The following TWSG1 variants were observed in gnomAD, a reference collection of about 807,000 sequenced individuals.
TWSG1 encodes the protein twisted gastrulation BMP signaling modulator 1.
In TWSG1, 15 loss-of-function variants were observed where a neutral mutation model predicts 23.0. The ratio of observed to expected loss-of-function variants is 0.65; its 90% CI spans 0.44 to 1.00. The LOEUF (loss-of-function observed/expected upper bound fraction) is 1.00, where lower values mean the gene tolerates loss of function less well. Among genes scored for constraint, TWSG1 ranks in the 50% least tolerant of loss-of-function variants. The probability of loss-of-function intolerance (pLI) is 0.00; values close to 1 mark genes in which losing one functional copy is unlikely to be tolerated. For missense variants in TWSG1, 242 were observed against 278.7 expected (o/e 0.87, Z 0.94); for synonymous variants, 86 against 92.8 (o/e 0.93, Z 0.42).
intron 3 of TWSG1, among the ~76,000 whole-genome samples, chr18:9,381,733 G>A (rs1191416854): frequency 1.3e-5 from 2 of 151,976 alleles, no homozygotes; most frequent in Non-Finnish European, 2.9e-5. Flanking sequence ...ACCCCTAGTC[G>A]CTCTCCCTCA....
intron 2 of TWSG1, among the ~76,000 whole-genome samples, chr18:9,350,880 C>G (rs1166457845): frequency 6.6e-6 from 1 of 152,050 alleles, no homozygotes; most frequent in African/African-American, 2.4e-5. Flanking sequence ...ATAACCCAAT[C>G]TAATTATAAT....
intron 3 of TWSG1, among the ~76,000 whole-genome samples, chr18:9,362,140 G>A (rs972348272): frequency 6.6e-6 from 1 of 152,128 alleles, no homozygotes; most frequent in African/African-American, 2.4e-5. Flanking sequence ...GTCATTAACT[G>A]TATATTAATT....
chr18:9,352,250 G>A lies in TWSG1; in HGVS notation c.124-7722G>A, dbSNP rs75504187. 3.9e-3 allele frequency among the ~76,000 whole-genome samples: 592 copies of A among 152,220 alleles called. 39 individuals are homozygous for A. The South Asian group carries it at 0.11, about 28-fold the overall frequency. ...CTTTGAGATTCATCCATATTATTGT[G>A]TGTGTTGGGTAGTTCTTTCCTTTTT... On this transcript the variant is annotated intron_variant, in intron 2 of 4. Transcript: ENST00000262120.
chr18:9,356,971 TAAAAA>T (rs34315660), intron 2 of TWSG1, among the ~76,000 whole-genome samples: 2 of 122,342 alleles, frequency 1.6e-5, no homozygotes, highest in Admixed American at 8.4e-5. Context: ...TTTATAAATC[TAAAAA>T]AAAAAAAAAA....
chr18:9,396,708 C>G, intron 4 of TWSG1, 162 bp downstream of exon 4: 1 of 851,300 alleles, frequency 1.2e-6, no homozygotes. Context: ...CCCATCATAT[C>G]TAGAGGCACA....
intron 2 of TWSG1, among the ~76,000 whole-genome samples, chr18:9,343,614 A>G (rs1484022899): frequency 6.6e-6 from 1 of 152,066 alleles, no homozygotes; most frequent in Non-Finnish European, 1.5e-5. Flanking sequence ...TAGGCAGTTT[A>G]CTTTCTCTCT....
intron 3 of TWSG1, among the ~76,000 whole-genome samples, chr18:9,375,767 T>G (rs2040627159): frequency 6.6e-6 from 1 of 152,122 alleles, no homozygotes; most frequent in South Asian, 2.1e-4. Context: ...TAGGTATAAA[T>G]CTAACAAAAT....
chr18:9,390,742 T>C (rs759192608), intron 3 of TWSG1, among the ~76,000 whole-genome samples: 34 of 152,234 alleles, frequency 2.2e-4, no homozygotes, highest in Non-Finnish European at 4.7e-4. Context: ...CCAGGTGCAG[T>C]GGTTCATGTC....
At chr18:9,340,143 C>T (rs1456420704) in intron 2 of TWSG1, among the ~76,000 whole-genome samples, 3 of 151,840 alleles carry the variant, frequency 2.0e-5, no homozygotes, top group South Asian at 2.1e-4. Flanking sequence ...CCGAGGCGGG[C>T]GGATCACAAG....
chr18:9,377,196 G>T (rs191071479), intron 3 of TWSG1, among the ~76,000 whole-genome samples: 84 of 151,996 alleles, frequency 5.5e-4, no homozygotes, highest in African/African-American at 1.9e-3. Context: ...GTGGAGCAAA[G>T]ATAGTCTGTT....
At position 9,339,066 on chromosome 18, in the gene TWSG1, A is replaced by G. The variant is rs190902103; in HGVS notation, c.123+1714A>G. On this transcript the variant is annotated intron_variant, in intron 2 of 4. Transcript: ENST00000262120. ...ATAGTTTTTTTAAAATTAGCTGGGC[A>G]TGATCATGTACACCTGTAGTCTCAG... 5.9e-4 allele frequency among the ~76,000 whole-genome samples: 90 copies of G among 152,102 alleles called. 1 individual carries two copies. Among genetic ancestry groups the G allele is most frequent in the African/African-American group, 2.0e-3 (83 of 41,484 alleles).
At chr18:9,357,974 A>G (rs960308693) in intron 2 of TWSG1, among the ~76,000 whole-genome samples, 3 of 152,154 alleles carry the variant, frequency 2.0e-5, no homozygotes, top group African/African-American at 4.8e-5. Context: ...AAATGAGGAC[A>G]TGGGGGAATA....
intron 3 of TWSG1, among the ~76,000 whole-genome samples, chr18:9,378,799 C>T (rs2040642819): frequency 6.6e-6 from 1 of 150,576 alleles, no homozygotes; most frequent in African/African-American, 2.5e-5. Context: ...AACGAAATAC[C>T]ATCTCTACAA....
chr18:9,349,254 C>A lies in TWSG1; in HGVS notation c.124-10718C>A, dbSNP rs377602306. Among the ~76,000 whole-genome samples the A allele has an allele frequency of 2.6e-5, 4 of 152,196 alleles. No individual in the cohort carries two copies. In the East Asian group the frequency reaches 7.7e-4, roughly 29 times the overall value. Reference sequence around the variant, plus strand: ...AAATTTGGATCAATATTATGCTATACCCCAGAAATCTCAAGTCCCATTTTG... The same window carrying A: ...AAATTTGGATCAATATTATGCTATAACCCAGAAATCTCAAGTCCCATTTTG... On this transcript the variant is annotated intron_variant, in intron 2 of 4. Transcript: ENST00000262120.
At chr18:9,345,304 C>A (rs2040471939) in intron 2 of TWSG1, among the ~76,000 whole-genome samples, 1 of 152,044 alleles carries the variant, frequency 6.6e-6, no homozygotes, top group East Asian at 1.9e-4. Flanking sequence ...TCTAAGAAAC[C>A]ATTACCTAAG....
chr18:9,396,842 C>T (rs2040739387), intron 4 of TWSG1: 4 of 473,278 alleles, frequency 8.5e-6, no homozygotes, highest in Non-Finnish European at 1.1e-5. Context: ...AGGTGGATCA[C>T]GAGGTCAAGA....
At chr18:9,363,621 ATTTTAT>A (rs1568034695) in intron 3 of TWSG1, among the ~76,000 whole-genome samples, 2 of 151,946 alleles carry the variant, frequency 1.3e-5, no homozygotes, top group Non-Finnish European at 2.9e-5. Context: ...GCACATCTTT[ATTTTAT>A]TTTTATTTTT....
chr18:9,382,842 G>A (rs1425622893), intron 3 of TWSG1, among the ~76,000 whole-genome samples: 1 of 143,250 alleles, frequency 7.0e-6, no homozygotes, highest in Non-Finnish European at 1.5e-5. Flanking sequence ...GAAGTCTGTT[G>A]GAAAAAGAAT....
At chr18:9,369,278 G>A (rs984683792) in intron 3 of TWSG1, among the ~76,000 whole-genome samples, 30 of 151,526 alleles carry the variant, frequency 2.0e-4, no homozygotes, top group African/African-American at 6.8e-4. Flanking sequence ...TCCTTTGCCC[G>A]TTTCTTTTGA....
Sources: allele counts gnomAD v4.1 joint callset (sites outside exome capture counted in the v4.1 genomes callset), GRCh38; gene constraint gnomAD v4.1.1; transcripts MANE v1.5; gene names NCBI Gene and HGNC (gene_info 2026-07-23, HGNC 2026-07-21).